CSMD1: variants seen among roughly 807,000 people sequenced by gnomAD.
CSMD1 encodes the protein CUB and Sushi multiple domains 1, also known as CUB and sushi domain-containing protein 1.
Under a neutral mutation model 417.5 loss-of-function variants are expected in CSMD1, and 213 were observed. The observed-to-expected ratio is 0.51, with a 90% CI of 0.46 to 0.57. The LOEUF is 0.57. CSMD1 is among the 20% of genes least tolerant of loss of function. The pLI is 0.00. For missense variants in CSMD1, 6,923 were observed against 4,529.7 expected (o/e 1.53, Z -15.17); for synonymous variants, 2,862 against 1,736.8 (o/e 1.65, Z -16.11).
intron 1 of CSMD1, among the ~76,000 whole-genome samples, chr8:4,734,933 C>G (rs999697841): frequency 1.3e-5 from 2 of 152,160 alleles, no homozygotes; most frequent in Non-Finnish European, 2.9e-5. Context: ...CTGGCTTTAG[C>G]AAACTACTCG....
rs965700643 is a variant in CSMD1, at chr8:3,832,540, T to A, written c.819-78498A>T. 8.5e-5 allele frequency among the ~76,000 whole-genome samples: 13 copies of A among 152,312 alleles called. No homozygotes were observed. The South Asian group carries it at 1.2e-3, about 15-fold the overall frequency. ...TTATTTTAAACTATTTTTGTCTTATTGTATATGTCTGAAGCAAAATCATTT... is the reference window on the plus strand; with the variant it reads ...TTATTTTAAACTATTTTTGTCTTATAGTATATGTCTGAAGCAAAATCATTT... On this transcript the variant is annotated intron_variant, in intron 5 of 69. Transcript: ENST00000635120.
chr8:3,402,616 T>C (rs1049644798), intron 15 of CSMD1, among the ~76,000 whole-genome samples: 2 of 152,198 alleles, frequency 1.3e-5, no homozygotes, highest in African/African-American at 4.8e-5. Context: ...AATTGCTCTA[T>C]TGTGAGCTTT....
At chr8:3,860,327 A>AGAG (rs1219052252) in intron 5 of CSMD1, among the ~76,000 whole-genome samples, 1 of 152,130 alleles carries the variant, frequency 6.6e-6, no homozygotes, top group African/African-American at 2.4e-5. Flanking sequence ...GAATTTCAAC[A>AGAG]CAGCCAGCAA....
In CSMD1 at chr8:4,424,201, T is replaced by A. The variant is rs116092457; in HGVS notation, c.303-4136A>T. Among the ~76,000 whole-genome samples, 725 of 152,138 alleles carry A rather than the reference T, an allele frequency of 4.8e-3. 7 individuals are homozygous for A. Among genetic ancestry groups the A allele is most frequent in the African/African-American group, 0.017 (700 of 41,530 alleles). On this transcript the variant is annotated intron_variant, in intron 2 of 69. Coordinates refer to ENST00000635120, the MANE Select transcript of CSMD1 (RefSeq NM_033225.6). ...AGATAAGTTAATAAATTGGATTTCATAAAAATTAAAAACTTTGGCTGCAAA... is the reference window on the plus strand; with the variant it reads ...AGATAAGTTAATAAATTGGATTTCAAAAAAATTAAAAACTTTGGCTGCAAA...
At chr8:3,839,105 A>ATATATAATATAATATAGCC (rs1802926329) in intron 5 of CSMD1, among the ~76,000 whole-genome samples, 1 of 63,872 alleles carries the variant, frequency 1.6e-5, no homozygotes, top group East Asian at 3.6e-4. Flanking sequence ...TATAGCCTAT[A>ATATATAATATAATATAGCC]TATATAGTCT....
At position 3,709,680 on chromosome 8, in the gene CSMD1, G is replaced by GTTTTTTTTTTTTTT. The variant is rs56272726; in HGVS notation, c.932-1203_932-1190dup. ...GATGGGCTTTAAATTGCAGCAGCATGTTTTTTTTTTTTTTTTTTTTTTTTT... is the reference window on the plus strand; with the variant it reads ...GATGGGCTTTAAATTGCAGCAGCATGTTTTTTTTTTTTTTTTTTTTTTTTTTTTTTTTTTTTTTT... On this transcript the variant is annotated intron_variant, in intron 6 of 69. Coordinates refer to ENST00000635120, the MANE Select transcript of CSMD1 (RefSeq NM_033225.6). Among the ~76,000 whole-genome samples, 52 of 33,684 alleles carry GTTTTTTTTTTTTTT rather than the reference G, an allele frequency of 1.5e-3. 9 individuals are homozygous for GTTTTTTTTTTTTTT. Among genetic ancestry groups the GTTTTTTTTTTTTTT allele is most frequent in the East Asian group, 5.9e-3 (4 of 676 alleles). 22.1% of individuals were successfully genotyped at this position (33,684 alleles called of 152,430 possible).
intron 41 of CSMD1, among the ~76,000 whole-genome samples, chr8:3,119,410 A>AAC: frequency 7.6e-6 from 1 of 131,930 alleles, no homozygotes; most frequent in Non-Finnish European, 1.5e-5. Context: ...AAAAAAAAAA[A>AAC]AACACTGTAT....
intron 4 of CSMD1, among the ~76,000 whole-genome samples, chr8:4,006,828 T>TA (rs1311589698): frequency 1.4e-5 from 2 of 140,808 alleles, no homozygotes; most frequent in East Asian, 4.1e-4. Context: ...TTCCTATTTT[T>TA]TTTTTTTTTT....
intron 26 of CSMD1, among the ~76,000 whole-genome samples, chr8:3,260,583 A>AC (rs1224901540): frequency 2.0e-5 from 3 of 151,886 alleles, no homozygotes; most frequent in Admixed American, 6.6e-5. Context: ...CCGAGAACAA[A>AC]CCCCCCTCGA....
intron 1 of CSMD1, among the ~76,000 whole-genome samples, chr8:4,941,787 C>G (rs80348919): frequency 0.016 from 2,365 of 152,088 alleles, 57 homozygotes; most frequent in African/African-American, 0.054. Flanking sequence ...TTTGTAGGGA[C>G]AGGGTCTCCC....
intron 28 of CSMD1, among the ~76,000 whole-genome samples, chr8:3,223,270 TG>T (rs980470570): frequency 5.9e-5 from 9 of 152,196 alleles, no homozygotes; most frequent in Admixed American, 1.3e-4. Context: ...CAACCACATT[TG>T]GGGAAACTTT....
intron 5 of CSMD1, among the ~76,000 whole-genome samples, chr8:3,995,994 C>G (rs1228020216): frequency 1.3e-5 from 2 of 152,184 alleles, no homozygotes; most frequent in Non-Finnish European, 2.9e-5. Context: ...CTCTGGCTAT[C>G]TGTGCTGATA....
rs994079245 is a variant in CSMD1 at position 3,010,522 on chromosome 8, G to A, written c.8029+7955C>T. Among the ~76,000 whole-genome samples, 4 of 152,030 alleles carry A rather than the reference G, an allele frequency of 2.6e-5. No homozygotes were observed. The East Asian group carries it at 5.8e-4, about 22-fold the overall frequency. Reference sequence around the variant, plus strand: ...GCACCTGCTTGTTTCAGGCAAGTCCGACTTCCTTGGGCCGCACTCCGCATC... The same window carrying A: ...GCACCTGCTTGTTTCAGGCAAGTCCAACTTCCTTGGGCCGCACTCCGCATC... On this transcript the variant is annotated intron_variant, in intron 52 of 69. Transcript: ENST00000635120.
chr8:4,600,372 G>T (rs1194399251), intron 2 of CSMD1, among the ~76,000 whole-genome samples: 1 of 152,138 alleles, frequency 6.6e-6, no homozygotes, highest in African/African-American at 2.4e-5. Flanking sequence ...GAAGTTTAAA[G>T]ATATAGCTAT....
At position 3,316,000 on chromosome 8, in the gene CSMD1, C is replaced by T. The variant is rs148939406; in HGVS notation, c.3632-7497G>A. Among the ~76,000 whole-genome samples the T allele has an allele frequency of 3.0e-3, 454 of 152,236 alleles. 6 individuals are homozygous for T. In the East Asian group the frequency reaches 0.036, roughly 12 times the overall value. The stretch of plus-strand genomic sequence containing the variant: ...TCTGAGACGTCTCAGTGAAATAATT[C>T]AAATTATTCACTTTCTCACTGATTT... On this transcript the variant is annotated intron_variant, in intron 23 of 69. Coordinates refer to ENST00000635120, the MANE Select transcript of CSMD1 (RefSeq NM_033225.6).
chr8:4,300,028 G>A (rs1363940626), intron 3 of CSMD1, among the ~76,000 whole-genome samples: 3 of 152,142 alleles, frequency 2.0e-5, no homozygotes, highest in African/African-American at 7.2e-5. Context: ...TGTATAAAGA[G>A]GCCACAAAGA....
intron 3 of CSMD1, among the ~76,000 whole-genome samples, chr8:4,311,722 C>CAA (rs35480252): frequency 1.2e-4 from 13 of 110,280 alleles, no homozygotes; most frequent in African/African-American, 2.7e-4. Flanking sequence ...GACTCAGTCT[C>CAA]AAAAAAAAAA....
chr8:3,333,994 A>G (rs1449555108), intron 23 of CSMD1, among the ~76,000 whole-genome samples: 2 of 152,172 alleles, frequency 1.3e-5, no homozygotes, highest in Non-Finnish European at 2.9e-5. Flanking sequence ...TCTAGTTCTT[A>G]AAAAGAAGTA....
chr8:4,679,887 G>T (rs890937273), intron 1 of CSMD1, among the ~76,000 whole-genome samples: 2 of 151,984 alleles, frequency 1.3e-5, no homozygotes, highest in Admixed American at 6.6e-5. Flanking sequence ...CAATAGAAAT[G>T]CTCATTTAAT....
Sources: allele counts gnomAD v4.1 joint callset (sites outside exome capture counted in the v4.1 genomes callset), GRCh38; gene constraint gnomAD v4.1.1; transcripts MANE v1.5; gene names NCBI Gene and HGNC (gene_info 2026-07-23, HGNC 2026-07-21).